Variants in GADL1 observed in about 807,000 individuals in gnomAD.
The protein encoded by GADL1 is acidic amino acid decarboxylase GADL1.
In GADL1, 71 loss-of-function variants were observed where a neutral mutation model predicts 69.5. The observed-to-expected ratio is 1.02, with a 90% CI of 0.84 to 1.25. The LOEUF (loss-of-function observed/expected upper bound fraction) is 1.25, where lower values mean the gene tolerates loss of function less well. Among genes scored for constraint, GADL1 ranks in the 50% most tolerant of loss-of-function variants. The probability of loss-of-function intolerance (pLI) is 0.00; values close to 1 mark genes in which losing one functional copy is unlikely to be tolerated. For synonymous variants in GADL1, 254 were observed against 214.4 expected (o/e 1.18, Z -1.62); for missense variants, 737 against 631.8 (o/e 1.17, Z -1.79).
intron 11 of GADL1, among the ~76,000 whole-genome samples, chr3:30,831,058 T>A (rs1697782017): frequency 6.6e-6 from 1 of 152,020 alleles, no homozygotes; most frequent in South Asian, 2.1e-4. Flanking sequence ...AACTCTGGCA[T>A]AGATACTGCA....
At chr3:30,886,721 C>T (rs942408487) in intron 1 of GADL1, among the ~76,000 whole-genome samples, 2 of 152,202 alleles carry the variant, frequency 1.3e-5, no homozygotes, top group African/African-American at 4.8e-5. Flanking sequence ...ATTCTGATTG[C>T]TTTGCAGCAT....
chr3:30,778,014 A>G (rs1390475386), intron 14 of GADL1, among the ~76,000 whole-genome samples, 165 bp downstream of exon 14: 1 of 152,194 alleles, frequency 6.6e-6, no homozygotes, highest in African/African-American at 2.4e-5. Flanking sequence ...GTTAAATGTA[A>G]ACAATGTCTA....
intron 11 of GADL1, 28 bp downstream of exon 11, chr3:30,833,825 C>A (rs115168311): frequency 0.02 from 31,301 of 1,546,942 alleles, 395 homozygotes; most frequent in Middle Eastern, 0.025. Context: ...CCCCTTGAAG[C>A]CCAAAGGACC....
chr3:30,811,511 A>G (rs749113405), intron 11 of GADL1, among the ~76,000 whole-genome samples: 1 of 152,188 alleles, frequency 6.6e-6, no homozygotes, highest in African/African-American at 2.4e-5. Flanking sequence ...TATTAAAGAT[A>G]ATCTAAAACA....
chr3:30,844,035 CA>C (rs1352400147), intron 8 of GADL1, among the ~76,000 whole-genome samples, 174 bp downstream of exon 8: 4 of 152,212 alleles, frequency 2.6e-5, no homozygotes, highest in Non-Finnish European at 4.4e-5. Context: ...GGAAATAGAA[CA>C]TCTGTAAATG....
chr3:30,876,689 T>G (rs964705715), intron 1 of GADL1, among the ~76,000 whole-genome samples: 1 of 93,012 alleles, frequency 1.1e-5, no homozygotes, highest in Admixed American at 1.6e-4. Flanking sequence ...GAACCTACTC[T>G]TGCCCACTTA....
intron 6 of GADL1, among the ~76,000 whole-genome samples, chr3:30,847,006 AC>A (rs1287434920): frequency 6.6e-6 from 1 of 152,172 alleles, no homozygotes; most frequent in Non-Finnish European, 1.5e-5. Flanking sequence ...TTTTTACCCT[AC>A]TTTTTAGTGG....
chr3:30,768,816 CT>C (rs1696349535), intron 14 of GADL1, among the ~76,000 whole-genome samples: 1 of 152,152 alleles, frequency 6.6e-6, no homozygotes, highest in African/African-American at 2.4e-5. Context: ...ACCTGTGATG[CT>C]GTAACTCTAT....
intron 2 of GADL1, among the ~76,000 whole-genome samples, 176 bp from the exon 3 acceptor site, chr3:30,857,317 A>AG (rs1293784736): frequency 6.6e-6 from 1 of 152,080 alleles, no homozygotes; most frequent in Admixed American, 6.6e-5. Flanking sequence ...GGGACCAATG[A>AG]GGGGCGCCAT....
intron 11 of GADL1, among the ~76,000 whole-genome samples, chr3:30,813,782 A>G (rs183126389): frequency 1.3e-5 from 2 of 152,346 alleles, no homozygotes. Flanking sequence ...TGACATTACT[A>G]TAATCATGAG....
chr3:30,856,961 A>T (rs756272561), intron 3 of GADL1, 54 bp downstream of exon 3: 139 of 1,465,406 alleles, frequency 9.5e-5, no homozygotes, highest in Non-Finnish European at 1.2e-4. Flanking sequence ...GAGGCTTTGC[A>T]AACATAAGAA....
chr3:30,751,563 T>C (rs368654423), intron 14 of GADL1, among the ~76,000 whole-genome samples: 1 of 151,618 alleles, frequency 6.6e-6, no homozygotes, highest in African/African-American at 2.4e-5. Flanking sequence ...TCTAGTAGAC[T>C]AGAAAAAAGG....
At chr3:30,755,887 C>CT (rs752197725) in intron 14 of GADL1, among the ~76,000 whole-genome samples, 1 of 152,188 alleles carries the variant, frequency 6.6e-6, no homozygotes, top group Non-Finnish European at 1.5e-5. Context: ...TCCAAGTCAG[C>CT]TTTAAATGGC....
intron 1 of GADL1, among the ~76,000 whole-genome samples, chr3:30,865,171 G>A (rs1406558267): frequency 6.6e-6 from 1 of 151,620 alleles, no homozygotes; most frequent in Non-Finnish European, 1.5e-5. Context: ...AGTTTCTCAG[G>A]GAGGCCTTCC....
intron 11 of GADL1, among the ~76,000 whole-genome samples, chr3:30,828,485 G>GGC (rs1697723245): frequency 6.7e-6 from 1 of 150,224 alleles, no homozygotes; most frequent in Non-Finnish European, 1.5e-5. Context: ...AAAGTGGGGG[G>GGC]GGTGCGGGGG....
At chr3:30,729,751 TC>T (rs1383232708) in intron 14 of GADL1, among the ~76,000 whole-genome samples, 2 of 152,218 alleles carry the variant, frequency 1.3e-5, no homozygotes, top group African/African-American at 4.8e-5. Flanking sequence ...CACAGAGCCT[TC>T]TCAAAGGATG....
chr3:30,808,856 T>C (rs1697304488), intron 11 of GADL1, among the ~76,000 whole-genome samples: 1 of 152,216 alleles, frequency 6.6e-6, no homozygotes, highest in African/African-American at 2.4e-5. Context: ...AGTCCTATGA[T>C]AAGAATGAGA....
chr3:30,850,288 C>T (rs1176467534), intron 5 of GADL1, among the ~76,000 whole-genome samples, 177 bp from the exon 6 acceptor site: 1 of 152,098 alleles, frequency 6.6e-6, no homozygotes, highest in Non-Finnish European at 1.5e-5. Flanking sequence ...TTATTACATA[C>T]CCTAATCTCT....
intron 6 of GADL1, among the ~76,000 whole-genome samples, chr3:30,846,586 G>A (rs144057747): frequency 5.8e-4 from 89 of 152,278 alleles, no homozygotes; most frequent in African/African-American, 2.0e-3. Flanking sequence ...GGACTCCAGT[G>A]CTGACTAATT....
Sources: gnomAD v4.1 joint callset for allele counts (sites outside exome capture counted in the v4.1 genomes callset) on GRCh38, gnomAD v4.1.1 for gene constraint, MANE v1.5 for transcripts, NCBI Gene and HGNC (gene_info 2026-07-23, HGNC 2026-07-21) for gene names.